The following CXCL9 variants were observed in gnomAD, a reference collection of about 807,000 sequenced individuals.
The protein encoded by CXCL9 is C-X-C motif chemokine 9.
In CXCL9, 8 loss-of-function variants were observed where a neutral mutation model predicts 11.7. The observed-to-expected ratio is 0.68, with a 90% CI of 0.40 to 1.23. The LOEUF is 1.23. Among genes scored for constraint, CXCL9 ranks in the 50% most tolerant of loss-of-function variants. CXCL9 has a pLI of 0.01. For missense variants in CXCL9, 133 were observed against 141.7 expected, an observed-to-expected ratio of 0.94 and a Z score of 0.31; for synonymous variants, 43 against 48.2, an observed-to-expected ratio of 0.89 and a Z score of 0.45.
At chr4:76,004,749 C>T in intron 3 of CXCL9, 60 bp downstream of exon 3, 1 of 1,561,362 alleles carries the variant, frequency 6.4e-7, no homozygotes, top group Non-Finnish European at 8.6e-7. Flanking sequence ...AAAGCAGATT[C>T]TTTGTCTTCT....
At chr4:76,004,951 C>T in intron 2 of CXCL9, 58 bp from the exon 3 acceptor site, 1 of 1,471,990 alleles carries the variant, frequency 6.8e-7, no homozygotes, top group Non-Finnish European at 9.0e-7. Flanking sequence ...AATGCTTCTT[C>T]TCAGAAATAA....
At position 76,004,735 on chromosome 4, in the gene CXCL9, T is replaced by C. The variant is rs765416292; in HGVS notation, c.276+74A>G. On this transcript the variant is annotated intron_variant, in intron 3 of 3. Coordinates refer to ENST00000264888, the MANE Select transcript of CXCL9 (RefSeq NM_002416.3). The stretch of plus-strand genomic sequence containing the variant: ...AAGTTATGTATTCTTATAGTGTTAA[T>C]GAAAAAGCAGATTCTTTGTCTTCTA... 2.1e-5 allele frequency: 32 copies of C among 1,525,792 alleles called. No homozygotes were observed. The East Asian group carries it at 6.1e-4, about 29-fold the overall frequency. The allele number at this position is 1,525,792 out of a possible 1,614,324, so 94.5% of individuals were successfully genotyped here. A position where few individuals can be genotyped will look rare whatever the true frequency, so the allele number is the denominator to read the frequency against.
chr4:76,005,811 C>T (rs1277335276), intron 2 of CXCL9: 8 of 207,828 alleles, frequency 3.8e-5, no homozygotes, highest in Non-Finnish European at 5.9e-5. Flanking sequence ...TATGTGCACA[C>T]GAAGCAAGTA....
chr4:76,007,434 C>G lies in CXCL9; in HGVS notation c.16G>C (p.Val6Leu). MKKSG[V>L]LFLLGIILLV... ...AAGATGATGCCCAAGAGGAAAAGAA[C>G]ACCACTTTTCTTCATAGTGATAGAA... Residue 6 changes from valine (V) to leucine (L), a missense_variant, in exon 1 of 4, where the codon GTT becomes CTT. Coordinates refer to ENST00000264888, the MANE Select transcript of CXCL9 (RefSeq NM_002416.3). The G allele has an allele frequency of 6.3e-7, 1 of 1,595,352 alleles. No individual in the cohort carries two copies. The highest frequency in any genetic ancestry group is 8.6e-7 in the Non-Finnish European group (1 of 1,162,838).
In CXCL9 at chr4:76,001,995, T is replaced by C; in HGVS notation, c.*1603A>G. On this transcript the variant is annotated 3_prime_UTR_variant, in exon 4 of 4. Transcript: ENST00000264888. ...CACTAACCGACTTGGCTGCTTCCTC[T>C]AGCGCTTAGTACTTCACCGTTCCCT... 1 of 268,658 alleles carries C rather than the reference T, an allele frequency of 3.7e-6. No individual in the cohort carries two copies. The highest frequency in any genetic ancestry group is 6.9e-6 in the Non-Finnish European group (1 of 144,238). 16.6% of individuals were successfully genotyped at this position (268,658 alleles called of 1,614,324 possible). A position where few individuals can be genotyped will look rare whatever the true frequency, so the allele number is the denominator to read the frequency against.
Position 76,002,982 on chromosome 4 carries a change from G to C in CXCL9, c.*616C>G, listed in dbSNP as rs1005063683. On this transcript the variant is annotated 3_prime_UTR_variant, in exon 4 of 4. Transcript: ENST00000264888. ...AAGAAATAAAGTGGTCAGCCTGAGC[G>C]GGCAAGATGGAATCACATGGCTTCC... 6.6e-6 allele frequency: 1 copy of C among 152,370 alleles called. No homozygotes were observed. Among genetic ancestry groups the C allele is most frequent in the Admixed American group, 6.5e-5 (1 of 15,280 alleles). The allele number at this position is 152,370 out of a possible 1,614,324, so 9.4% of individuals were successfully genotyped here.
In CXCL9 at chr4:76,001,934, A is replaced by G. The variant is rs372283651; in HGVS notation, c.*1664T>C. On this transcript the variant is annotated 3_prime_UTR_variant, in exon 4 of 4. Coordinates refer to ENST00000264888, the MANE Select transcript of CXCL9 (RefSeq NM_002416.3). Reference sequence around the variant, plus strand: ...ACCTCCCCTGGAAGGAGGTTTCCACATCCTGCAGAGGCTAACTGGGCACCA... The same window carrying G: ...ACCTCCCCTGGAAGGAGGTTTCCACGTCCTGCAGAGGCTAACTGGGCACCA... 205 of 199,220 alleles carry G rather than the reference A, an allele frequency of 1.0e-3. 3 individuals carry two copies. Among genetic ancestry groups the G allele is most frequent in the African/African-American group, 4.3e-3 (189 of 43,638 alleles). The allele number at this position is 199,220 out of a possible 1,614,324, so 12.3% of individuals were successfully genotyped here.
Position 76,003,559 on chromosome 4 carries a change from A to G in CXCL9, c.*39T>C. 1 of 1,162,204 alleles carries G rather than the reference A, an allele frequency of 8.6e-7. No homozygotes were observed. The highest frequency in any genetic ancestry group is 1.8e-5 in the Admixed American group (1 of 55,578). The allele number at this position is 1,162,204 out of a possible 1,614,324, so 72.0% of individuals were successfully genotyped here. ...ATGATAGCGGTATAATTAAAATAGA[A>G]CATTTTTAACACAGAATACTTATTG... On this transcript the variant is annotated 3_prime_UTR_variant, in exon 4 of 4. Transcript: ENST00000264888.
At position 76,002,713 on chromosome 4, in the gene CXCL9, CAGG is replaced by C. The variant is rs1731498897; in HGVS notation, c.*882_*884del. The stretch of plus-strand genomic sequence containing the variant: ...CCATGTGGTACTGAACCAAGTGAAA[CAGG>C]AGTTTTAAGATAATTTGTGTGTCCA... On this transcript the variant is annotated 3_prime_UTR_variant, in exon 4 of 4. Transcript: ENST00000264888. 1 of 218,602 alleles carries C rather than the reference CAGG, an allele frequency of 4.6e-6. No homozygotes were observed. Among genetic ancestry groups the C allele is most frequent in the Non-Finnish European group, 8.9e-6 (1 of 111,988 alleles). 13.5% of individuals were successfully genotyped at this position (218,602 alleles called of 1,614,324 possible).
chr4:76,005,844 A>T lies in CXCL9; in HGVS notation c.191+304T>A, dbSNP rs151288208. On this transcript the variant is annotated intron_variant, in intron 2 of 3. Coordinates refer to ENST00000264888, the MANE Select transcript of CXCL9 (RefSeq NM_002416.3). Reference sequence around the variant, plus strand: ...GTAAGGAAGATTTAGAAAACTGTATACTAAGGGGTTAACAGTATTTGTCAC... The same window carrying T: ...GTAAGGAAGATTTAGAAAACTGTATTCTAAGGGGTTAACAGTATTTGTCAC... 1,242 of 254,856 alleles carry T rather than the reference A, an allele frequency of 4.9e-3. 18 individuals carry two copies. The highest frequency in any genetic ancestry group is 0.026 in the African/African-American group (1,157 of 44,610). The allele number at this position is 254,856 out of a possible 1,614,324, so 15.8% of individuals were successfully genotyped here.
In CXCL9 at chr4:76,004,797, C is replaced by T; in HGVS notation, c.276+12G>A. On this transcript the variant is annotated intron_variant, in intron 3 of 3. Transcript: ENST00000264888. ...TAAAAGAAAGAAAATTTTGATCTTCCTTTTCACCAACCTGTTTCTCCCACT... is the reference window on the plus strand; with the variant it reads ...TAAAAGAAAGAAAATTTTGATCTTCTTTTTCACCAACCTGTTTCTCCCACT... The T allele has an allele frequency of 6.3e-7, 1 of 1,584,734 alleles. No homozygotes were observed.
In CXCL9 at chr4:76,003,582, T is replaced by C. The variant is rs760968600; in HGVS notation, c.*16A>G. 1.2e-5 allele frequency: 17 copies of C among 1,381,198 alleles called. No homozygotes were observed. The highest frequency in any genetic ancestry group is 1.7e-5 in the Admixed American group (1 of 58,194). 85.6% of individuals were successfully genotyped at this position (1,381,198 alleles called of 1,614,324 possible). A position where few individuals can be genotyped will look rare whatever the true frequency, so the allele number is the denominator to read the frequency against. Reference sequence around the variant, plus strand: ...GAACATTTTTAACACAGAATACTTATTGGTGAAGTGGTCTCTTATGTAGTC... The same window carrying C: ...GAACATTTTTAACACAGAATACTTACTGGTGAAGTGGTCTCTTATGTAGTC... On this transcript the variant is annotated 3_prime_UTR_variant, in exon 4 of 4. Transcript: ENST00000264888.
At position 76,006,203 on chromosome 4, in the gene CXCL9, A is replaced by C; in HGVS notation, c.136T>G (p.Leu46Val). 1.2e-6 allele frequency: 2 copies of C among 1,613,770 alleles called. No homozygotes were observed. The highest frequency in any genetic ancestry group is 1.7e-6 in the Non-Finnish European group (2 of 1,179,702). The change falls in exon 2 of 4, where the codon TTG (leucine) becomes GTG (valine). Residue 46 changes from leucine to valine, a missense_variant. By Grantham distance (32) the Leu-to-Val change is conservative (BLOSUM62 1). Transcript: ENST00000264888. The part of the protein sequence containing the change: ...TNQGTIHLQS[L>V]KDLKQFAPSP... ...GGGGCAAATTGTTTAAGGTCTTTCA[A>C]GGATTGTAGGTGGATAGTCCCTTGG...
At position 76,001,737 on chromosome 4, in the gene CXCL9, G is replaced by A. The variant is rs1006746049; in HGVS notation, c.*1861C>T. ...ATTTATGAAACACTTAGATTTTTCA[G>A]GGAAGTTACATGAAGGAACTAGGGA... On this transcript the variant is annotated 3_prime_UTR_variant, in exon 4 of 4. Transcript: ENST00000264888. 1 of 152,668 alleles carries A rather than the reference G, an allele frequency of 6.6e-6. No individual in the cohort carries two copies. The highest frequency in any genetic ancestry group is 1.5e-5 in the Non-Finnish European group (1 of 68,368). 9.5% of individuals were successfully genotyped at this position (152,668 alleles called of 1,614,324 possible). A position where few individuals can be genotyped will look rare whatever the true frequency, so the allele number is the denominator to read the frequency against.
chr4:76,002,320 T>C lies in CXCL9; in HGVS notation c.*1278A>G. 1 of 398,546 alleles carries C rather than the reference T, an allele frequency of 2.5e-6. No homozygotes were observed. The allele number at this position is 398,546 out of a possible 1,614,324, so 24.7% of individuals were successfully genotyped here. ...AAAAACAGTCCAGAATATCCGCAAGTGTTTTACCACGTGCTTCTTATTGTT... is the reference window on the plus strand; with the variant it reads ...AAAAACAGTCCAGAATATCCGCAAGCGTTTTACCACGTGCTTCTTATTGTT... On this transcript the variant is annotated 3_prime_UTR_variant, in exon 4 of 4. Transcript: ENST00000264888.
intron 2 of CXCL9, 93 bp downstream of exon 2, chr4:76,006,055 T>C: frequency 8.5e-7 from 1 of 1,173,670 alleles, no homozygotes; most frequent in East Asian, 2.5e-5. Flanking sequence ...TTTTTAAGTG[T>C]TTGTATGGGC....
rs1731473990 is a variant in CXCL9 at position 76,001,957 on chromosome 4, C to A, written c.*1641G>T. The A allele has an allele frequency of 4.6e-6, 1 of 218,858 alleles. No individual in the cohort carries two copies. The highest frequency in any genetic ancestry group is 8.9e-6 in the Non-Finnish European group (1 of 111,910). The allele number at this position is 218,858 out of a possible 1,614,324, so 13.6% of individuals were successfully genotyped here. The stretch of plus-strand genomic sequence containing the variant: ...ACATCCTGCAGAGGCTAACTGGGCA[C>A]CAATCATGCTTCCACTAACCGACTT... On this transcript the variant is annotated 3_prime_UTR_variant, in exon 4 of 4. Transcript: ENST00000264888.
At position 76,003,070 on chromosome 4, in the gene CXCL9, C is replaced by G. The variant is rs1236552543; in HGVS notation, c.*528G>C. 2.0e-5 allele frequency: 3 copies of G among 152,592 alleles called. No homozygotes were observed. Among genetic ancestry groups the G allele is most frequent in the Non-Finnish European group, 4.4e-5 (3 of 68,236 alleles). 9.5% of individuals were successfully genotyped at this position (152,592 alleles called of 1,614,324 possible). On this transcript the variant is annotated 3_prime_UTR_variant, in exon 4 of 4. Coordinates refer to ENST00000264888, the MANE Select transcript of CXCL9 (RefSeq NM_002416.3). ...GATCTCCAGTGGTGATACCCAATAACAATCAGCATGAATCTCTCAGACACA... is the reference window on the plus strand; with the variant it reads ...GATCTCCAGTGGTGATACCCAATAAGAATCAGCATGAATCTCTCAGACACA...
At chr4:76,003,791 C>A in intron 3 of CXCL9, 92 bp from the exon 4 acceptor site, 1 of 723,296 alleles carries the variant, frequency 1.4e-6, no homozygotes, top group East Asian at 2.5e-5. Context: ...GTCTCATACC[C>A]ACATAGTCTC....
Sources: gnomAD v4.1 joint callset for allele counts on GRCh38, gnomAD v4.1.1 for gene constraint, MANE v1.5 for transcripts, NCBI Gene and HGNC (gene_info 2026-07-23, HGNC 2026-07-21) for gene names.